Variants in CTNND2 observed in about 807,000 individuals in gnomAD.
CTNND2 encodes the protein catenin delta 2, also known as catenin delta-2.
Under a neutral mutation model 144.4 loss-of-function variants are expected in CTNND2, and 22 were observed. The observed-to-expected ratio is 0.15, with a 90% CI of 0.11 to 0.22. The LOEUF (loss-of-function observed/expected upper bound fraction) is 0.22, where lower values mean the gene tolerates loss of function less well. CTNND2 is among the 10% of genes least tolerant of loss of function. CTNND2 has a pLI of 1.00. For missense variants in CTNND2, 1,353 were observed against 1,618.8 expected (o/e 0.84, Z 2.82); for synonymous variants, 751 against 695.6 (o/e 1.08, Z -1.25).
At chr5:11,383,812 TCAG>T (rs1285835172) in intron 7 of CTNND2, among the ~76,000 whole-genome samples, 1 of 152,228 alleles carries the variant, frequency 6.6e-6, no homozygotes, top group Non-Finnish European at 1.5e-5. Context: ...GTCAGGTGTT[TCAG>T]AAGACAAAAC....
intron 3 of CTNND2, among the ~76,000 whole-genome samples, chr5:11,458,389 C>T (rs1045044850): frequency 1.3e-5 from 2 of 152,122 alleles, no homozygotes; most frequent in African/African-American, 4.8e-5. Flanking sequence ...AGTAAGTGTG[C>T]CATGAGAAAA....
rs1784926572 is a variant in CTNND2, at chr5:11,691,934, CTA to C, written c.174+40200_174+40201del. The stretch of plus-strand genomic sequence containing the variant: ...AATGTTTTAGTTCTCAATTATGTAA[CTA>C]TATTTTTTTCATGTGCTCAGTGCTC... On this transcript the variant is annotated intron_variant, in intron 2 of 21. Transcript: ENST00000304623. 2.6e-5 allele frequency among the ~76,000 whole-genome samples: 4 copies of C among 152,230 alleles called. No individual in the cohort carries two copies. In the South Asian group the frequency reaches 8.3e-4, roughly 32 times the overall value.
At chr5:11,008,290 G>A (rs1256761924) in intron 18 of CTNND2, among the ~76,000 whole-genome samples, 1 of 152,204 alleles carries the variant, frequency 6.6e-6, no homozygotes, top group Non-Finnish European at 1.5e-5. Flanking sequence ...TAAAGACCTT[G>A]AAAGGGAGAG....
chr5:11,449,175 A>G (rs530413942), intron 3 of CTNND2, among the ~76,000 whole-genome samples: 1 of 152,342 alleles, frequency 6.6e-6, no homozygotes, highest in South Asian at 2.1e-4. Context: ...TCATATAAAT[A>G]AATGTTTTTC....
At chr5:11,469,983 C>T (rs2526171) in intron 3 of CTNND2, among the ~76,000 whole-genome samples, 73,885 of 151,954 alleles carry the variant, frequency 0.49, 18,427 homozygotes, top group Middle Eastern at 0.58. Context: ...AGTGCATATC[C>T]TATGACTCAA....
chr5:11,263,875 G>T (rs144306444), intron 9 of CTNND2, among the ~76,000 whole-genome samples: 13 of 152,180 alleles, frequency 8.5e-5, no homozygotes, highest in African/African-American at 2.4e-4. Flanking sequence ...TAGACACAGC[G>T]TCCCAGGTGT....
intron 1 of CTNND2, among the ~76,000 whole-genome samples, chr5:11,807,681 C>G (rs998882984): frequency 6.6e-6 from 1 of 152,160 alleles, no homozygotes; most frequent in African/African-American, 2.4e-5. Context: ...AAAGCCCACT[C>G]TAAAACACTG....
chr5:11,037,345 G>A (rs1047127966), intron 16 of CTNND2, among the ~76,000 whole-genome samples: 3 of 152,160 alleles, frequency 2.0e-5, no homozygotes, highest in South Asian at 2.1e-4. Flanking sequence ...AAAACCATGC[G>A]TCAGTATTGA....
At chr5:11,506,382 A>G (rs1771036744) in intron 3 of CTNND2, among the ~76,000 whole-genome samples, 1 of 152,226 alleles carries the variant, frequency 6.6e-6, no homozygotes, top group Admixed American at 6.5e-5. Flanking sequence ...TTTACTTTTT[A>G]TGCCAAAGCT....
intron 9 of CTNND2, among the ~76,000 whole-genome samples, chr5:11,261,774 T>A (rs955718149): frequency 6.6e-6 from 1 of 152,206 alleles, no homozygotes; most frequent in Non-Finnish European, 1.5e-5. Flanking sequence ...AGGGAGAGCA[T>A]GAGAAATAAT....
intron 2 of CTNND2, among the ~76,000 whole-genome samples, chr5:11,570,037 T>G (rs1310411763): frequency 1.3e-5 from 2 of 152,230 alleles, no homozygotes; most frequent in Non-Finnish European, 2.9e-5. Flanking sequence ...TTTGCACAGT[T>G]TCATTTCCAT....
At position 11,496,901 on chromosome 5, in the gene CTNND2, C is replaced by T. The variant is rs1415767049; in HGVS notation, c.287+68043G>A. On this transcript the variant is annotated intron_variant, in intron 3 of 21. Transcript: ENST00000304623. ...GGTGTGAGAGTGGGACTGGGCCCCA[C>T]ACCTGGGAGAAGAAAGAGAGCCAGC... Among the ~76,000 whole-genome samples, 4 of 152,202 alleles carry T rather than the reference C, an allele frequency of 2.6e-5. No individual in the cohort carries two copies. The East Asian group carries it at 7.7e-4, about 29-fold the overall frequency.
intron 9 of CTNND2, among the ~76,000 whole-genome samples, chr5:11,237,205 G>T (rs1741748288): frequency 6.6e-6 from 1 of 151,912 alleles, no homozygotes; most frequent in African/African-American, 2.4e-5. Flanking sequence ...ATTTTTAGTA[G>T]AGATGCAGTT....
At chr5:11,351,338 C>A (rs1015883301) in intron 8 of CTNND2, among the ~76,000 whole-genome samples, 1 of 152,128 alleles carries the variant, frequency 6.6e-6, no homozygotes, top group South Asian at 2.1e-4. Context: ...AGCCCCTTTT[C>A]CCCTCAATAA....
At chr5:11,112,326 T>G (rs1440277375) in intron 13 of CTNND2, among the ~76,000 whole-genome samples, 1 of 151,904 alleles carries the variant, frequency 6.6e-6, no homozygotes, top group Non-Finnish European at 1.5e-5. Context: ...AGAGTCACAG[T>G]GATGTGATGT....
intron 1 of CTNND2, among the ~76,000 whole-genome samples, chr5:11,783,705 A>G (rs1274889925): frequency 6.6e-6 from 1 of 152,178 alleles, no homozygotes; most frequent in Non-Finnish European, 1.5e-5. Flanking sequence ...TATGCAATGG[A>G]GGAGAAACTT....
Position 10,973,279 on chromosome 5 carries a change from C to T in CTNND2, c.*174G>A, listed in dbSNP as rs909700549. 4.1e-5 allele frequency: 26 copies of T among 635,844 alleles called. No individual in the cohort carries two copies. Among genetic ancestry groups the T allele is most frequent in the South Asian group, 6.8e-5 (2 of 29,578 alleles). The allele number at this position is 635,844 out of a possible 1,614,324, so 39.4% of individuals were successfully genotyped here. On this transcript the variant is annotated 3_prime_UTR_variant, in exon 22 of 22. Coordinates refer to ENST00000304623, the MANE Select transcript of CTNND2 (RefSeq NM_001332.4). The surrounding 1 kb of genome is among the most constrained non-coding windows in gnomAD (Gnocchi z 5.6). Reference sequence around the variant, plus strand: ...TTCTACTGATTTCCAAGTTAACTTGCGATTCATTTAGCTTTCTAAAATAGC... The same window carrying T: ...TTCTACTGATTTCCAAGTTAACTTGTGATTCATTTAGCTTTCTAAAATAGC...
chr5:11,294,721 G>A (rs986864486), intron 9 of CTNND2, among the ~76,000 whole-genome samples: 2 of 152,104 alleles, frequency 1.3e-5, no homozygotes, highest in African/African-American at 4.8e-5. Flanking sequence ...AACAGAACCA[G>A]TGACAAAAAC....
chr5:11,050,851 A>C (rs1398265055), intron 16 of CTNND2, among the ~76,000 whole-genome samples: 1 of 152,144 alleles, frequency 6.6e-6, no homozygotes, highest in Non-Finnish European at 1.5e-5. Context: ...CCAGGCATAC[A>C]CCCCAACCAA....
Sources: gnomAD v4.1 joint callset for allele counts (sites outside exome capture counted in the v4.1 genomes callset) on GRCh38, gnomAD v4.1.1 for gene constraint, Gnocchi (gnomAD v3.1) non-coding constraint, MANE v1.5 for transcripts, NCBI Gene and HGNC (gene_info 2026-07-23, HGNC 2026-07-21) for gene names.